Variants in THRAP3 observed in about 807,000 individuals in gnomAD.
The protein encoded by THRAP3 is thyroid hormone receptor associated protein 3.
THRAP3 carries 16 observed loss-of-function variants against 101.0 expected under a neutral mutation model. The observed-to-expected ratio is 0.16, with a 90% confidence interval of 0.11 to 0.24. THRAP3 has a LOEUF of 0.24. THRAP3 is among the 10% of genes least tolerant of loss of function. The pLI is 1.00. For synonymous variants in THRAP3, 407 were observed against 422.6 expected, an observed-to-expected ratio of 0.96 and a Z score of 0.45; for missense variants, 989 against 1,202.7, an observed-to-expected ratio of 0.82 and a Z score of 2.63.
At chr1:36,226,202 G>T (rs1016701013) in intron 1 of THRAP3, among the ~76,000 whole-genome samples, 1 of 152,146 alleles carries the variant, frequency 6.6e-6, no homozygotes, top group Admixed American at 6.6e-5. Context: ...ATATTTCTGA[G>T]ATTAGCACAG....
At chr1:36,216,897 C>G in the THRAP3 span, among the ~76,000 whole-genome samples, 1 of 152,218 alleles carries the variant, frequency 6.6e-6, no homozygotes, top group Non-Finnish European at 1.5e-5. Flanking sequence ...TCTGTGCTAT[C>G]ATAGCATATA....
At chr1:36,253,888 A>C (rs773488204) in intron 1 of THRAP3, among the ~76,000 whole-genome samples, 10 of 150,956 alleles carry the variant, frequency 6.6e-5, no homozygotes, top group Non-Finnish European at 1.0e-4. Flanking sequence ...TACAGATGTG[A>C]GCTACTGTGC....
chr1:36,300,836 A>T, intron 9 of THRAP3, 50 bp from the exon 10 acceptor site: 2 of 1,589,438 alleles, frequency 1.3e-6, no homozygotes, highest in Non-Finnish European at 1.7e-6. Flanking sequence ...CCAGCCAAGC[A>T]GTGTCCCTTA....
chr1:36,257,886 G>A (rs533059892), intron 1 of THRAP3, among the ~76,000 whole-genome samples: 5 of 152,288 alleles, frequency 3.3e-5, no homozygotes, highest in African/African-American at 9.6e-5. Flanking sequence ...TGTCACCCAC[G>A]CTGGAGTGCA....
At chr1:36,256,923 G>A (rs940337325) in intron 1 of THRAP3, among the ~76,000 whole-genome samples, 1 of 152,032 alleles carries the variant, frequency 6.6e-6, no homozygotes, top group Non-Finnish European at 1.5e-5. Flanking sequence ...AGCCTCCTGA[G>A]TAGCTGGGAT....
intron 1 of THRAP3, among the ~76,000 whole-genome samples, chr1:36,254,092 T>C (rs1169070540): frequency 6.6e-6 from 1 of 152,118 alleles, no homozygotes; most frequent in Non-Finnish European, 1.5e-5. Context: ...CAAACTGCCG[T>C]GTGGTAGGGC....
At chr1:36,224,097 C>A (rs1042826993), upstream of THRAP3, among the ~76,000 whole-genome samples, 3 of 152,224 alleles carry the variant, frequency 2.0e-5, no homozygotes, top group Non-Finnish European at 4.4e-5. Flanking sequence ...GGCAAGCTGG[C>A]CCGGAGTGGG....
intron 11 of THRAP3, 119 bp from the exon 12 acceptor site, chr1:36,303,677 A>G (rs1036283829): frequency 9.4e-6 from 14 of 1,488,028 alleles, no homozygotes; most frequent in East Asian, 2.3e-5. Flanking sequence ...AAAAGGATCA[A>G]AAGGCTGGGT....
intron 1 of THRAP3, among the ~76,000 whole-genome samples, chr1:36,226,548 C>G (rs113680396): frequency 6.6e-6 from 1 of 152,108 alleles, no homozygotes; most frequent in Non-Finnish European, 1.5e-5. Context: ...CGTAAGCCAC[C>G]GCGCCCGGCC....
the THRAP3 span, among the ~76,000 whole-genome samples, chr1:36,210,689 CAAA>C: frequency 2.9e-4 from 1 of 3,444 alleles, no homozygotes; most frequent in East Asian, 0.012. Context: ...GACTCTGTCT[CAAA>C]AAAAAAAAAA....
intron 1 of THRAP3, among the ~76,000 whole-genome samples, chr1:36,240,061 A>G (rs776523391): frequency 6.6e-6 from 1 of 152,204 alleles, no homozygotes; most frequent in Non-Finnish European, 1.5e-5. Flanking sequence ...ACACATAAGA[A>G]CAGCTTGTAA....
chr1:36,216,012 G>C, the THRAP3 span, among the ~76,000 whole-genome samples: 1 of 152,028 alleles, frequency 6.6e-6, no homozygotes, highest in East Asian at 1.9e-4. Flanking sequence ...GCCTCACAAA[G>C]TGCTGGGATT....
chr1:36,298,835 C>G lies in THRAP3; in HGVS notation c.2304-2051C>G, dbSNP rs117605230. Among the ~76,000 whole-genome samples, 57 of 152,296 alleles carry G rather than the reference C, an allele frequency of 3.7e-4. 1 individual carries two copies. The East Asian group carries it at 0.011, about 29-fold the overall frequency. The stretch of plus-strand genomic sequence containing the variant: ...TTGAGACAGGGTCTTGCTGTGTCGC[C>G]CAGGCTGGAGCGCAGTGATGCAATC... On this transcript the variant is annotated intron_variant, in intron 9 of 11. Coordinates refer to ENST00000354618, the MANE Select transcript of THRAP3 (RefSeq NM_005119.4).
chr1:36,262,059 T>G (rs1157983433), intron 2 of THRAP3, among the ~76,000 whole-genome samples: 3 of 152,224 alleles, frequency 2.0e-5, no homozygotes, highest in African/African-American at 7.2e-5. Flanking sequence ...ACATGTCATT[T>G]AATACATTTT....
chr1:36,301,574 G>C lies in THRAP3; in HGVS notation c.2524G>C (p.Gly842Arg). ...ATAGCAGTTTCGAGCCAGAGGAAGA[G>C]GCTGGGGCAGAGGCAACTACTCTGG... ...GTFQFRARGR[G>R]WGRGNYSGNN... The change falls in exon 11 of 12, where the codon GGC (glycine) becomes CGC (arginine). Residue 842 changes from glycine (G) to arginine (R), a missense_variant. Physicochemically the swap from Gly to Arg is moderately radical, Grantham distance 125 (BLOSUM62 -2). Transcript: ENST00000354618. 1 of 1,614,052 alleles carries C rather than the reference G, an allele frequency of 6.2e-7. No individual in the cohort carries two copies. Among genetic ancestry groups the C allele is most frequent in the Non-Finnish European group, 8.5e-7 (1 of 1,179,986 alleles).
chr1:36,218,784 C>T, the THRAP3 span, among the ~76,000 whole-genome samples: 1 of 151,786 alleles, frequency 6.6e-6, no homozygotes, highest in African/African-American at 2.4e-5. Flanking sequence ...TCTGTAATCC[C>T]AGCATTTCGG....
At chr1:36,280,509 G>A (rs965734487) in intron 2 of THRAP3, among the ~76,000 whole-genome samples, 6 of 152,254 alleles carry the variant, frequency 3.9e-5, no homozygotes, top group Admixed American at 3.3e-4. Context: ...GATAGCTTTT[G>A]AGCTGAGATC....
chr1:36,294,462 C>G (rs1344989049), intron 8 of THRAP3, among the ~76,000 whole-genome samples: 1 of 152,098 alleles, frequency 6.6e-6, no homozygotes, highest in Non-Finnish European at 1.5e-5. Flanking sequence ...GCTACATTTG[C>G]AATGATGTGC....
rs1326966650 is a variant in THRAP3, at chr1:36,229,600, A to G, written c.-135+5095A>G. 5.9e-5 allele frequency among the ~76,000 whole-genome samples: 9 copies of G among 152,106 alleles called. No homozygotes were observed. The East Asian group carries it at 1.5e-3, about 26-fold the overall frequency. On this transcript the variant is annotated intron_variant, in intron 1 of 11. Coordinates refer to ENST00000354618, the MANE Select transcript of THRAP3 (RefSeq NM_005119.4). ...TTTTCTTTCTTTGAATTTTGTTTAC[A>G]GTACATATTTTAAGTGTTCCAGAAA...
Sources: gnomAD v4.1 joint callset for allele counts (sites outside exome capture counted in the v4.1 genomes callset) on GRCh38, gnomAD v4.1.1 for gene constraint, MANE v1.5 for transcripts, NCBI Gene and HGNC (gene_info 2026-07-23, HGNC 2026-07-21) for gene names.